Variants in SSH2 observed in about 807,000 individuals in gnomAD.
The protein encoded by SSH2 is protein phosphatase Slingshot homolog 2.
A neutral mutation model predicts 135.2 loss-of-function variants in SSH2; 37 were observed. The ratio of observed to expected loss-of-function variants is 0.27; its 90% CI spans 0.21 to 0.36. The LOEUF (loss-of-function observed/expected upper bound fraction) is 0.36, where lower values mean the gene tolerates loss of function less well. Among genes scored for constraint, SSH2 ranks in the 10% least tolerant of loss-of-function variants. The probability of loss-of-function intolerance (pLI) is 1.00; values close to 1 mark genes in which losing one functional copy is unlikely to be tolerated. For synonymous variants in SSH2, 628 were observed against 646.2 expected, an observed-to-expected ratio of 0.97 and a Z score of 0.43; for missense variants, 1,408 against 1,765.3, an observed-to-expected ratio of 0.80 and a Z score of 3.63.
At chr17:29,927,993 G>A (rs1217871250) in intron 1 of SSH2, among the ~76,000 whole-genome samples, 5 of 151,996 alleles carry the variant, frequency 3.3e-5, no homozygotes, top group South Asian at 2.1e-4. Flanking sequence ...AAGTGTACAC[G>A]GTCTTACTGT....
intron 2 of SSH2, among the ~76,000 whole-genome samples, chr17:29,814,580 T>C (rs1013855990): frequency 1.3e-5 from 2 of 151,796 alleles, no homozygotes; most frequent in Non-Finnish European, 2.9e-5. Context: ...TGCATTCTAA[T>C]AAAAGAAATC....
In SSH2 at chr17:29,626,990, C is replaced by T. The variant is rs1274533994; in HGVS notation, c.*3851G>A. On this transcript the variant is annotated 3_prime_UTR_variant, in exon 16 of 16. Transcript: ENST00000540801. ...AGACACACCATCACTGAGGAAATGA[C>T]AACTATTTCCATAGAGAGTGCTGGA... is the stretch of plus-strand genomic sequence containing the variant. The T allele has an allele frequency of 6.6e-6, 1 of 152,210 alleles. No individual in the cohort carries two copies. The highest frequency in any genetic ancestry group is 1.5e-5 in the Non-Finnish European group (1 of 68,036). 9.4% of individuals were successfully genotyped at this position (152,210 alleles called of 1,614,324 possible). A position where few individuals can be genotyped will look rare whatever the true frequency, so the allele number is the denominator to read the frequency against.
chr17:29,695,362 T>C, intron 5 of SSH2, 97 bp downstream of exon 5: 1 of 882,824 alleles, frequency 1.1e-6, no homozygotes, highest in Non-Finnish European at 1.8e-6. Flanking sequence ...TTCACATAGT[T>C]CCCAGCACTG....
intron 1 of SSH2, among the ~76,000 whole-genome samples, chr17:29,898,890 G>A (rs915984616): frequency 2.6e-5 from 4 of 152,108 alleles, no homozygotes; most frequent in Admixed American, 6.5e-5. Context: ...ATAAAATACT[G>A]GCAAACTGAA....
intron 1 of SSH2, among the ~76,000 whole-genome samples, chr17:29,901,695 A>C (rs2066557313): frequency 2.0e-5 from 3 of 146,626 alleles, no homozygotes; most frequent in African/African-American, 2.5e-5. Flanking sequence ...TTCCTTCCCC[A>C]CTCCCTTCCT....
At position 29,799,155 on chromosome 17, in the gene SSH2, C is replaced by T. The variant is rs768729141; in HGVS notation, c.145-5218G>A. ...CACTCATTTTTGATGGGGTAAAATT[C>T]GAATATATCATAGTTTATCCATTCT... On this transcript the variant is annotated intron_variant, in intron 2 of 15. Coordinates refer to ENST00000540801, the MANE Select transcript of SSH2 (RefSeq NM_001282129.2). Among the ~76,000 whole-genome samples the T allele has an allele frequency of 3.9e-5, 6 of 152,010 alleles. No homozygotes were observed. The South Asian group carries it at 6.2e-4, about 16-fold the overall frequency.
At chr17:29,684,539 C>T in intron 6 of SSH2, 24 bp downstream of exon 6, 1 of 1,506,882 alleles carries the variant, frequency 6.6e-7, no homozygotes, top group Non-Finnish European at 9.0e-7. Context: ...GCAGTTTTCA[C>T]ATTTTGAAAT....
intron 6 of SSH2, among the ~76,000 whole-genome samples, chr17:29,678,684 C>G (rs1001254609): frequency 5.3e-5 from 8 of 150,672 alleles, no homozygotes; most frequent in East Asian, 1.9e-4. Context: ...AAAAGGGTAG[C>G]CCTAGTATGG....
At chr17:29,785,790 C>A (rs1200408849) in intron 3 of SSH2, among the ~76,000 whole-genome samples, 1 of 149,814 alleles carries the variant, frequency 6.7e-6, no homozygotes, top group Non-Finnish European at 1.5e-5. Flanking sequence ...CGAGTCACCG[C>A]GCCCAGTCCG....
intron 3 of SSH2, among the ~76,000 whole-genome samples, chr17:29,706,073 TTATCCC>T (rs1368080635): frequency 1.3e-5 from 2 of 152,176 alleles, no homozygotes; most frequent in Non-Finnish European, 2.9e-5. Context: ...ATGAATGAAT[TTATCCC>T]AGTTTTTTCC....
At chr17:29,836,742 T>C (rs903912932) in intron 2 of SSH2, among the ~76,000 whole-genome samples, 23 of 152,236 alleles carry the variant, frequency 1.5e-4, no homozygotes, top group Non-Finnish European at 3.2e-4. Flanking sequence ...ACCGCTTTTC[T>C]ACTGCCAAAG....
chr17:29,754,349 T>C (rs2041047606), intron 3 of SSH2, among the ~76,000 whole-genome samples: 1 of 152,136 alleles, frequency 6.6e-6, no homozygotes, highest in South Asian at 2.1e-4. Context: ...AACTACAAAG[T>C]GGAACTGAAA....
At position 29,799,746 on chromosome 17, in the gene SSH2, T is replaced by A. The variant is rs540168641; in HGVS notation, c.145-5809A>T. Among the ~76,000 whole-genome samples the A allele has an allele frequency of 3.5e-4, 54 of 152,346 alleles. 2 individuals are homozygous for A. In the South Asian group the frequency reaches 9.1e-3, roughly 26 times the overall value. ...GGGCACAAGCAGCCAAAACCAGTTA[T>A]GTCTACAGGGGTGAACTACATTTAT... On this transcript the variant is annotated intron_variant, in intron 2 of 15. Coordinates refer to ENST00000540801, the MANE Select transcript of SSH2 (RefSeq NM_001282129.2).
At chr17:29,707,853 T>C (rs1327037688) in intron 3 of SSH2, among the ~76,000 whole-genome samples, 2 of 151,974 alleles carry the variant, frequency 1.3e-5, no homozygotes, top group Non-Finnish European at 2.9e-5. Flanking sequence ...ACTATTATAA[T>C]AGGCGCGATA....
At chr17:29,856,171 C>T (rs2065659619) in intron 1 of SSH2, 2 of 302,756 alleles carry the variant, frequency 6.6e-6, no homozygotes, top group South Asian at 3.0e-5. Context: ...ATCTTAAGTC[C>T]AGAAAAATGT....
chr17:29,716,400 T>G (rs1189919083), intron 3 of SSH2: 1 of 563,248 alleles, frequency 1.8e-6, no homozygotes, highest in Non-Finnish European at 3.3e-6. Context: ...TTAATTAGAG[T>G]GCTTAATGTG....
At chr17:29,735,653 C>G (rs749727952) in intron 3 of SSH2, among the ~76,000 whole-genome samples, 26 of 147,250 alleles carry the variant, frequency 1.8e-4, no homozygotes, top group Non-Finnish European at 3.4e-4. Context: ...GTCGAGATCG[C>G]GTCACTGCAC....
chr17:29,858,236 A>G (rs2065699304), intron 1 of SSH2, among the ~76,000 whole-genome samples: 1 of 152,158 alleles, frequency 6.6e-6, no homozygotes, highest in Non-Finnish European at 1.5e-5. Flanking sequence ...TTACAATTAA[A>G]CTCATTTTCT....
intron 3 of SSH2, among the ~76,000 whole-genome samples, chr17:29,731,596 C>T (rs2040201735): frequency 6.6e-6 from 1 of 152,098 alleles, no homozygotes; most frequent in Non-Finnish European, 1.5e-5. Context: ...GCTGGGATTA[C>T]AGGCATGCGC....
Sources: allele counts gnomAD v4.1 joint callset (sites outside exome capture counted in the v4.1 genomes callset), GRCh38; gene constraint gnomAD v4.1.1; transcripts MANE v1.5; gene names NCBI Gene and HGNC (gene_info 2026-07-23, HGNC 2026-07-21).